The following PLA2G6 variants were observed in gnomAD, a reference collection of about 807,000 sequenced individuals.
The protein encoded by PLA2G6 is 85/88 kDa calcium-independent phospholipase A2.
In PLA2G6, 62 loss-of-function variants were observed where a neutral mutation model predicts 83.8. The ratio of observed to expected loss-of-function variants is 0.74; its 90% CI spans 0.60 to 0.91. PLA2G6 has a LOEUF of 0.91. PLA2G6 is among the 40% of genes least tolerant of loss of function. The probability of loss-of-function intolerance (pLI) is 0.00; values close to 1 mark genes in which losing one functional copy is unlikely to be tolerated. For missense variants in PLA2G6, 944 were observed against 1,102.0 expected, an observed-to-expected ratio of 0.86 and a Z score of 2.03; for synonymous variants, 417 against 449.8, an observed-to-expected ratio of 0.93 and a Z score of 0.92.
rs2088292530 is a variant in PLA2G6, at chr22:38,132,715, G to C, written c.1077+116C>G. 1 of 950,946 alleles carries C rather than the reference G, an allele frequency of 1.1e-6. No individual in the cohort carries two copies. Among genetic ancestry groups the C allele is most frequent in the South Asian group, 1.6e-5 (1 of 64,328 alleles). 58.9% of individuals were successfully genotyped at this position (950,946 alleles called of 1,614,324 possible). ...TGAACTGAGCTTTGGGTGGGAAGATGATTTGGAGCAGCTGACGATAGGAGG... is the reference window on the plus strand; with the variant it reads ...TGAACTGAGCTTTGGGTGGGAAGATCATTTGGAGCAGCTGACGATAGGAGG... On this transcript the variant is annotated intron_variant, in intron 7 of 16. Coordinates refer to ENST00000332509, the MANE Select transcript of PLA2G6 (RefSeq NM_003560.4). This position sits in a 1 kb window ranked among gnomAD's most constrained non-coding sequence, Gnocchi z 5.0.
intron 2 of PLA2G6, among the ~76,000 whole-genome samples, chr22:38,154,556 C>T (rs891073978): frequency 7.9e-5 from 12 of 152,250 alleles, no homozygotes; most frequent in African/African-American, 2.9e-4. Flanking sequence ...GCTTGGGGTG[C>T]CCCCTAATGC....
intron 2 of PLA2G6, among the ~76,000 whole-genome samples, chr22:38,161,877 T>C (rs1022425740): frequency 3.3e-5 from 5 of 152,042 alleles, no homozygotes; most frequent in African/African-American, 7.2e-5. Context: ...AACCACATCA[T>C]AGGCTCACTG....
At chr22:38,129,233 G>A (rs183963911) in intron 8 of PLA2G6, among the ~76,000 whole-genome samples, 168 of 152,374 alleles carry the variant, frequency 1.1e-3, no homozygotes, top group Non-Finnish European at 2.0e-3. Flanking sequence ...GGGAGAGGAT[G>A]CTGGTATAGC....
At chr22:38,115,383 T>A in intron 14 of PLA2G6, 144 bp downstream of exon 14, 1 of 745,942 alleles carries the variant, frequency 1.3e-6, no homozygotes, top group Non-Finnish European at 2.4e-6. Flanking sequence ...TCCAGTGAGA[T>A]CAATTTGCCC....
intron 12 of PLA2G6, 55 bp from the exon 13 acceptor site, chr22:38,116,266 C>G: frequency 6.2e-7 from 1 of 1,604,022 alleles, no homozygotes. Context: ...CCACCTTTCC[C>G]TTTCCCCACA....
chr22:38,163,237 G>T (rs1021733751), intron 2 of PLA2G6, among the ~76,000 whole-genome samples: 1 of 152,132 alleles, frequency 6.6e-6, no homozygotes, highest in Non-Finnish European at 1.5e-5. Flanking sequence ...CTGTCCTCTG[G>T]GCCTTTCCTA....
intron 11 of PLA2G6, 139 bp downstream of exon 11, chr22:38,122,956 C>A (rs534613930): frequency 2.9e-6 from 2 of 689,088 alleles, no homozygotes; most frequent in African/African-American, 4.9e-5. Context: ...ACCTGCAGCC[C>A]CGCCCCTGCC....
At position 38,143,196 on chromosome 22, in the gene PLA2G6, T is replaced by A. The variant is rs1295780916; in HGVS notation, c.518A>T (p.Gln173Leu). 1.2e-6 allele frequency: 2 copies of A among 1,614,154 alleles called. No homozygotes were observed. The highest frequency in any genetic ancestry group is 3.3e-5 in the Admixed American group (2 of 60,026). ...GACATCCATCTGAGTGTGGCAGTAC[T>A]GCACCAGCTCCACCAGGATCTCCCC... ...GDGEILVELV[Q>L]YCHTQMDVTD... The change falls in exon 4 of 17, where the codon CAG (glutamine) becomes CTG (leucine). Residue 173 changes from glutamine (Q) to leucine (L), a missense_variant. Gln to Leu is a moderately radical substitution (Grantham distance 113). Transcript: ENST00000332509.
At chr22:38,114,276 G>A (rs2087055212) in intron 14 of PLA2G6, among the ~76,000 whole-genome samples, 1 of 152,014 alleles carries the variant, frequency 6.6e-6, no homozygotes, top group Admixed American at 6.5e-5. Flanking sequence ...CGCCTCCTGG[G>A]TTCACACCAT....
rs539389084 is a variant in PLA2G6, at chr22:38,126,315, G to A, written c.1427+56C>T. Reference sequence around the variant, plus strand: ...CCTGAGCCCACAACAGGGGGTGGGTGAGGGGCAGGAAAGCGCACACGTTCC... The same window carrying A: ...CCTGAGCCCACAACAGGGGGTGGGTAAGGGGCAGGAAAGCGCACACGTTCC... On this transcript the variant is annotated intron_variant, in intron 10 of 16. Transcript: ENST00000332509. The A allele has an allele frequency of 9.7e-5, 129 of 1,333,968 alleles. No individual in the cohort carries two copies. In the Middle Eastern group the frequency reaches 1.8e-3, roughly 19 times the overall value. The allele number at this position is 1,333,968 out of a possible 1,614,324, so 82.6% of individuals were successfully genotyped here.
At chr22:38,167,541 A>G (rs132986) in intron 2 of PLA2G6, among the ~76,000 whole-genome samples, 17,596 of 152,164 alleles carry the variant, frequency 0.12, 1,232 homozygotes, top group African/African-American at 0.18. Flanking sequence ...TGGAGCTCTG[A>G]AGCTACAAGT....
chr22:38,179,143 A>C (rs2090748749), intron 1 of PLA2G6, among the ~76,000 whole-genome samples: 1 of 152,206 alleles, frequency 6.6e-6, no homozygotes, highest in East Asian at 1.9e-4. Flanking sequence ...AGTCATATGA[A>C]TAGCTAGGCA....
chr22:38,133,330 G>A (rs1014476351), intron 6 of PLA2G6: 48 of 447,524 alleles, frequency 1.1e-4, no homozygotes, highest in African/African-American at 3.2e-4. Context: ...GAAGCACCCC[G>A]CTCCCTGCAT....
At chr22:38,114,467 G>A (rs2087067226) in intron 14 of PLA2G6, among the ~76,000 whole-genome samples, 1 of 152,214 alleles carries the variant, frequency 6.6e-6, no homozygotes, top group African/African-American at 2.4e-5. Flanking sequence ...TTACAGGCGT[G>A]AGCCGCTGCG....
At chr22:38,118,227 G>T (rs1225537764) in intron 12 of PLA2G6, among the ~76,000 whole-genome samples, 1 of 152,206 alleles carries the variant, frequency 6.6e-6, no homozygotes, top group South Asian at 2.1e-4. Context: ...CTGCAACGTG[G>T]TCAGGCAGTG....
At chr22:38,151,324 G>A (rs1348185258) in intron 2 of PLA2G6, among the ~76,000 whole-genome samples, 1 of 151,536 alleles carries the variant, frequency 6.6e-6, no homozygotes, top group Non-Finnish European at 1.5e-5. Context: ...AACGCTCACT[G>A]CAGCCTCAAC....
Position 38,132,963 on chromosome 22 carries a change from G to A in PLA2G6, c.945C>T (p.Ser315=), listed in dbSNP as rs145413099. The A allele has an allele frequency of 2.2e-5, 35 of 1,564,846 alleles. No individual in the cohort carries two copies. The highest frequency in any genetic ancestry group is 4.1e-5 in the African/African-American group (3 of 73,808). ...KRGCNVNSTS[S]AGNTALHVAV... ...CCACGTGCAGGGCCGTGTTCCCCGC[G>A]GAGCTGGTGCTGTTCACGTTGCAGC... is the stretch of plus-strand genomic sequence containing the variant. Residue 315 remains serine, a synonymous_variant, in exon 7 of 17, where the codon TCC becomes TCT. Transcript: ENST00000332509. This position sits in a 1 kb window ranked among gnomAD's most constrained non-coding sequence, Gnocchi z 5.0.
chr22:38,165,007 C>T (rs2090162323), intron 2 of PLA2G6, among the ~76,000 whole-genome samples: 1 of 152,064 alleles, frequency 6.6e-6, no homozygotes, highest in African/African-American at 2.4e-5. Flanking sequence ...TCGCAGCCCT[C>T]ACTCCAGGTC....
chr22:38,136,676 A>T (rs2088571302), intron 5 of PLA2G6: 1 of 151,898 alleles, frequency 6.6e-6, no homozygotes, highest in Non-Finnish European at 1.5e-5. Flanking sequence ...AACATAATAT[A>T]TCAGAATCAT....
Sources: gnomAD v4.1 joint callset for allele counts (sites outside exome capture counted in the v4.1 genomes callset) on GRCh38, gnomAD v4.1.1 for gene constraint, Gnocchi (gnomAD v3.1) non-coding constraint, MANE v1.5 for transcripts, NCBI Gene and HGNC (gene_info 2026-07-23, HGNC 2026-07-21) for gene names.